NOP9: variants seen among roughly 807,000 people sequenced by gnomAD.
NOP9 encodes nucleolar protein 9.
Under a neutral mutation model 63.0 loss-of-function variants are expected in NOP9, and 50 were observed. The ratio of observed to expected loss-of-function variants is 0.79; its 90% CI spans 0.63 to 1.00. NOP9 has a LOEUF of 1.00. Among genes scored for constraint, NOP9 ranks in the 50% least tolerant of loss-of-function variants. NOP9 has a pLI of 0.00. For synonymous variants in NOP9, 343 were observed against 332.8 expected (o/e 1.03, Z -0.33); for missense variants, 758 against 803.0 (o/e 0.94, Z 0.68).
chr14:24,300,950 G>A, intron 2 of NOP9, 93 bp downstream of exon 2: 3 of 1,042,854 alleles, frequency 2.9e-6, no homozygotes, highest in South Asian at 3.2e-5. Context: ...TCTTCATGGG[G>A]GAGCTTGACC....
chr14:24,273,954 A>G, the NOP9 span, among the ~76,000 whole-genome samples: 1 of 152,248 alleles, frequency 6.6e-6, no homozygotes, highest in South Asian at 2.1e-4. Flanking sequence ...GCTGAAATAA[A>G]AGAATCTATG....
At chr14:24,292,085 A>C in the NOP9 span, 3 of 1,466,308 alleles carry the variant, frequency 2.0e-6, no homozygotes, top group Non-Finnish European at 2.8e-6. Context: ...TGCACCTGCC[A>C]CAGTAAGCAC....
At chr14:24,293,461 C>G in the NOP9 span, 1 of 151,946 alleles carries the variant, frequency 6.6e-6, no homozygotes, top group Non-Finnish European at 1.5e-5. Flanking sequence ...ATAGTCCCAG[C>G]TACTCGGGAG....
At chr14:24,296,982 A>G, upstream of NOP9, 9 of 1,509,960 alleles carry the variant, frequency 6.0e-6, no homozygotes, top group South Asian at 3.5e-5. Flanking sequence ...AAGACAATCA[A>G]TCCTAGGAGA....
In NOP9 at chr14:24,303,738, C is replaced by G. The variant is rs757417500; in HGVS notation, c.1291C>G (p.His431Asp). ...KVLQLLLEAFHCAEPSSRQVA... is the reference protein window; with the variant it reads ...KVLQLLLEAFDCAEPSSRQVA... ...ATTCTGTCTTCTCCTTTAGGCATTC[C>G]ACTGTGCAGAGCCCTCATCCCGGCA... Residue 431 changes from histidine (H) to aspartate (D), a missense_variant, in exon 7 of 10, where the codon CAC becomes GAC. Physicochemically the swap from His to Asp is moderately conservative, Grantham distance 81. Coordinates refer to ENST00000267425, the MANE Select transcript of NOP9 (RefSeq NM_174913.3). The G allele has an allele frequency of 6.2e-7, 1 of 1,613,850 alleles. No individual in the cohort carries two copies. The highest frequency in any genetic ancestry group is 1.3e-5 in the African/African-American group (1 of 74,910).
the NOP9 span, chr14:24,291,994 T>G: frequency 1.4e-6 from 1 of 731,646 alleles, no homozygotes; most frequent in Non-Finnish European, 2.2e-6. Context: ...CTCTCTGGGT[T>G]TCAGTTTTGC....
At chr14:24,294,834 C>T in the NOP9 span, among the ~76,000 whole-genome samples, 1 of 151,954 alleles carries the variant, frequency 6.6e-6, no homozygotes, top group East Asian at 1.9e-4. Context: ...GAATTAAAAC[C>T]CCTTTATATA....
At chr14:24,284,538 C>T in the NOP9 span, among the ~76,000 whole-genome samples, 2 of 150,732 alleles carry the variant, frequency 1.3e-5, no homozygotes, top group East Asian at 1.9e-4. Flanking sequence ...CAGGGGAGTG[C>T]GCTTGGTGGG....
chr14:24,301,893 G>A (rs1207348832), intron 3 of NOP9, 72 bp from the exon 4 acceptor site: 6 of 1,534,784 alleles, frequency 3.9e-6, no homozygotes, highest in Non-Finnish European at 5.3e-6. Flanking sequence ...GTATCTTGTT[G>A]CCTAAAGTTT....
At chr14:24,294,657 T>C in the NOP9 span, 1 of 151,526 alleles carries the variant, frequency 6.6e-6, no homozygotes, top group Non-Finnish European at 1.5e-5. Flanking sequence ...GTGTGAAAAA[T>C]GAGTGATAAA....
At chr14:24,289,555 T>G in the NOP9 span, among the ~76,000 whole-genome samples, 1 of 152,304 alleles carries the variant, frequency 6.6e-6, no homozygotes, top group South Asian at 2.1e-4. Flanking sequence ...TTTAGGCTGG[T>G]AAGTGGAAGA....
At chr14:24,276,181 A>G in the NOP9 span, among the ~76,000 whole-genome samples, 6 of 151,984 alleles carry the variant, frequency 3.9e-5, no homozygotes, top group African/African-American at 1.4e-4. Flanking sequence ...GTTGGAGACC[A>G]GCCTGTCCAA....
the NOP9 span, chr14:24,290,759 G>C: frequency 6.7e-7 from 1 of 1,481,860 alleles, no homozygotes; most frequent in Non-Finnish European, 9.3e-7. Context: ...TCATATCAAG[G>C]GTATGGGTAA....
the NOP9 span, chr14:24,292,748 C>T: frequency 6.2e-7 from 1 of 1,614,222 alleles, no homozygotes. Context: ...CTGGTACCAT[C>T]AGCCGTGCCC....
At chr14:24,302,929 A>G (rs2041402455) in intron 5 of NOP9, 145 bp from the exon 6 acceptor site, 1 of 983,558 alleles carries the variant, frequency 1.0e-6, no homozygotes, top group East Asian at 2.9e-5. Flanking sequence ...CCTGGGCCTT[A>G]TCTAGCCAAA....
the NOP9 span, among the ~76,000 whole-genome samples, chr14:24,272,198 G>A: frequency 6.6e-6 from 1 of 152,214 alleles, no homozygotes; most frequent in Non-Finnish European, 1.5e-5. Flanking sequence ...CACACTCATT[G>A]TTTTAATTAC....
intron 2 of NOP9, 38 bp downstream of exon 2, chr14:24,300,895 A>G: frequency 1.3e-6 from 2 of 1,512,952 alleles, no homozygotes; most frequent in Admixed American, 1.9e-5. Flanking sequence ...TAGGGGGAAG[A>G]AGAATTTAGA....
At chr14:24,278,896 C>T in the NOP9 span, among the ~76,000 whole-genome samples, 1 of 152,054 alleles carries the variant, frequency 6.6e-6, no homozygotes, top group South Asian at 2.1e-4. Context: ...GAGCCCATGA[C>T]CACAGGGAAG....
the NOP9 span, among the ~76,000 whole-genome samples, chr14:24,288,013 C>T: frequency 2.6e-5 from 4 of 152,190 alleles, no homozygotes; most frequent in Admixed American, 2.0e-4. Context: ...TGTGCCATTC[C>T]CTTGGGTGGT....
Sources: allele counts gnomAD v4.1 joint callset (sites outside exome capture counted in the v4.1 genomes callset), GRCh38; gene constraint gnomAD v4.1.1; transcripts MANE v1.5; gene names NCBI Gene and HGNC (gene_info 2026-07-23, HGNC 2026-07-21).